Variants in SPATA13 observed in about 807,000 individuals in gnomAD.
SPATA13 encodes spermatogenesis-associated protein 13.
In SPATA13, 50 loss-of-function variants were observed where a neutral mutation model predicts 104.0. That is an observed-to-expected ratio of 0.48 (90% confidence interval 0.38 to 0.61). The LOEUF is 0.61. Ranked by LOEUF, SPATA13 falls within the 20% of genes least tolerant of loss-of-function variation. The pLI is 0.00. For missense variants in SPATA13, 1,524 were observed against 1,690.6 expected (o/e 0.90, Z 1.73); for synonymous variants, 606 against 667.5 (o/e 0.91, Z 1.42).
intron 4 of SPATA13, among the ~76,000 whole-genome samples, chr13:24,282,983 C>T (rs1875658533): frequency 6.6e-6 from 1 of 152,230 alleles, no homozygotes. Context: ...AACCCTGGAA[C>T]AGCAGCCCAG....
intron 3 of SPATA13, among the ~76,000 whole-genome samples, chr13:24,035,394 T>C (rs1877640690): frequency 6.6e-6 from 1 of 152,224 alleles, no homozygotes; most frequent in Non-Finnish European, 1.5e-5. Context: ...GGTTAAGTGA[T>C]CTGCTGTCTC....
In SPATA13 at chr13:24,224,884, A is replaced by G. The variant is rs1871843553; in HGVS notation, c.1653+302A>G. 6.7e-6 allele frequency: 3 copies of G among 446,670 alleles called. No individual in the cohort carries two copies. The East Asian group carries it at 1.4e-4, about 21-fold the overall frequency. The allele number at this position is 446,670 out of a possible 1,614,324, so 27.7% of individuals were successfully genotyped here. A position where few individuals can be genotyped will look rare whatever the true frequency, so the allele number is the denominator to read the frequency against. ...AGGTACTAGATTCTGGGGGAAAAAA[A>G]TAAGTTGTAAACAAACTGTCTTCTG... is the stretch of plus-strand genomic sequence containing the variant. On this transcript the variant is annotated intron_variant, in intron 2 of 12. Transcript: ENST00000382108.
At chr13:24,118,981 C>T (rs561993101) in intron 3 of SPATA13, among the ~76,000 whole-genome samples, 1 of 151,188 alleles carries the variant, frequency 6.6e-6, no homozygotes, top group African/African-American at 2.4e-5. Flanking sequence ...TCTCGGCTTA[C>T]TGCAACCTCC....
chr13:24,228,359 C>T (rs1872073228), intron 2 of SPATA13, among the ~76,000 whole-genome samples: 1 of 151,822 alleles, frequency 6.6e-6, no homozygotes, highest in Non-Finnish European at 1.5e-5. Flanking sequence ...TCGTGATCTG[C>T]CTGCCTCAGC....
rs921754703 is a variant in SPATA13 at position 24,223,943 on chromosome 13, G to C, written c.1014G>C (p.Arg338Ser). The C allele has an allele frequency of 1.3e-6, 2 of 1,550,612 alleles. No homozygotes were observed. The highest frequency in any genetic ancestry group is 3.9e-5 in the Admixed American group (2 of 50,956). Residue 338 changes from arginine to serine, a missense_variant, in exon 2 of 13, where the codon AGG becomes AGC. Around this residue, in one of 2 missense-constraint regions of SPATA13, gnomAD observed 1,089 missense variants for 1,135.9 expected, o/e 0.96. Coordinates refer to ENST00000382108, the MANE Select transcript of SPATA13 (RefSeq NM_001166271.3). ...TEAAWRRESP[R>S]SGAPSPGEAS... ...CTGCCTGGAGGAGGGAGAGTCCTAG[G>C]AGTGGGGCCCCATCCCCTGGAGAGG...
intron 3 of SPATA13, among the ~76,000 whole-genome samples, chr13:24,036,013 CAAAAAAAA>C (rs56837096): frequency 1.1e-3 from 122 of 112,546 alleles, no homozygotes; most frequent in Non-Finnish European, 1.9e-3. Flanking sequence ...GACCCTGTCT[CAAAAAAAA>C]AAAAAAAAAA....
intron 3 of SPATA13, among the ~76,000 whole-genome samples, chr13:24,041,904 C>T (rs912866): frequency 0.48 from 72,974 of 151,976 alleles, 19,321 homozygotes; most frequent in East Asian, 0.64. Flanking sequence ...CAGAGTGAGG[C>T]GTAACGGTCA....
rs569706272 is a variant in SPATA13 at position 24,194,365 on chromosome 13, A to G, written c.-111-28454A>G. 4.6e-5 allele frequency among the ~76,000 whole-genome samples: 7 copies of G among 152,324 alleles called. 1 individual carries two copies. In the East Asian group the frequency reaches 1.3e-3, roughly 29 times the overall value. On this transcript the variant is annotated intron_variant, in intron 1 of 12. Coordinates refer to ENST00000382108, the MANE Select transcript of SPATA13 (RefSeq NM_001166271.3). ...GATTGCTCCTTTGCCTGGGACTTGC[A>G]AGAGTAGGACAGGAAGTGGAGAGGA...
Position 24,224,080 on chromosome 13 carries a change from C to A in SPATA13, c.1151C>A (p.Thr384Asn), listed in dbSNP as rs1365106880. ...GGCGGGGCGGTCATGCATGGGACCA[C>A]TGCAACCTGCACCGTGGCCCCCGGT... is the stretch of plus-strand genomic sequence containing the variant. Reference protein sequence around the residue: ...RRGGAVMHGTTATCTVAPGFG... With the variant: ...RRGGAVMHGTNATCTVAPGFG... Residue 384 changes from threonine to asparagine, a missense_variant, in exon 2 of 13, where the codon ACT (threonine) becomes AAT (asparagine). Physicochemically the swap from Thr to Asn is moderately conservative, Grantham distance 65. Transcript: ENST00000382108. 1 of 1,550,886 alleles carries A rather than the reference C, an allele frequency of 6.4e-7. No homozygotes were observed. The highest frequency in any genetic ancestry group is 8.7e-7 in the Non-Finnish European group (1 of 1,146,810).
intron 1 of SPATA13, among the ~76,000 whole-genome samples, chr13:24,201,418 A>C (rs1870397211): frequency 6.7e-6 from 1 of 148,526 alleles, no homozygotes; most frequent in Non-Finnish European, 1.5e-5. Flanking sequence ...ATTTACTATT[A>C]ACTAAAGTCC....
chr13:24,243,564 C>T (rs937753774), intron 2 of SPATA13, among the ~76,000 whole-genome samples: 3 of 152,178 alleles, frequency 2.0e-5, no homozygotes, highest in Non-Finnish European at 4.4e-5. Context: ...TTAACGTGAG[C>T]AAATCATTTC....
Position 24,224,049 on chromosome 13 carries a change from A to AGGCGG in SPATA13, c.1131_1135dup (p.Val379GlyfsTer27). On this transcript the variant is annotated frameshift_variant, in exon 2 of 13. Coordinates refer to ENST00000382108, the MANE Select transcript of SPATA13 (RefSeq NM_001166271.3). LOFTEE classifies it high-confidence loss of function. ...CTCCAGGAGCACTGAGCAGGACAGC[A>AGGCGG]GGCGGGGCGGGGCGGTCATGCATGG... 2 of 1,549,484 alleles carry AGGCGG rather than the reference A, an allele frequency of 1.3e-6. No individual in the cohort carries two copies. The highest frequency in any genetic ancestry group is 1.7e-6 in the Non-Finnish European group (2 of 1,145,888).
At chr13:24,151,404 G>A (rs1170417131) in intron 3 of SPATA13, among the ~76,000 whole-genome samples, 2 of 152,214 alleles carry the variant, frequency 1.3e-5, no homozygotes, top group African/African-American at 2.4e-5. Flanking sequence ...TAATGATGAA[G>A]TGAAATATGC....
chr13:24,251,962 T>C (rs968460131), intron 4 of SPATA13, 100 bp downstream of exon 4: 17 of 1,444,440 alleles, frequency 1.2e-5, no homozygotes, highest in Non-Finnish European at 1.5e-5. Flanking sequence ...GCGCCTCCCT[T>C]GGGCCAGGGC....
intron 3 of SPATA13, among the ~76,000 whole-genome samples, chr13:24,133,745 G>C (rs1217900195): frequency 6.6e-6 from 1 of 152,168 alleles, no homozygotes; most frequent in Non-Finnish European, 1.5e-5. Context: ...CAGAGCACAG[G>C]GGAGGAGAGG....
intron 3 of SPATA13, among the ~76,000 whole-genome samples, chr13:24,134,107 C>T (rs187497901): frequency 6.6e-6 from 1 of 152,140 alleles, no homozygotes. Flanking sequence ...AGAATGGTAC[C>T]CAGATAGAAC....
chr13:24,090,603 T>G (rs557176168), intron 3 of SPATA13, among the ~76,000 whole-genome samples: 2 of 152,304 alleles, frequency 1.3e-5, no homozygotes, highest in South Asian at 4.1e-4. Flanking sequence ...CCCATCCCAC[T>G]GTCCCTACCC....
Position 24,100,142 on chromosome 13 carries a change from T to TA in SPATA13, c.-112+82453dup, listed in dbSNP as rs5802263. On this transcript the variant is annotated intron_variant, in intron 3 of 14. Transcript: ENST00000424834. ...TTTATTTTATAATTTTTAAATAGTT[T>TA]AAAAAAAAAAAAGAATCAAACCAAG... Among the ~76,000 whole-genome samples, 853 of 150,110 alleles carry TA rather than the reference T, an allele frequency of 5.7e-3. 5 individuals are homozygous for TA. The highest frequency in any genetic ancestry group is 0.01 in the Non-Finnish European group (693 of 67,276).
chr13:24,230,238 T>C (rs1050031753), intron 2 of SPATA13, among the ~76,000 whole-genome samples: 2 of 152,214 alleles, frequency 1.3e-5, no homozygotes, highest in African/African-American at 4.8e-5. Flanking sequence ...ACACCTGCTA[T>C]GTGAACAGAA....
Sources: allele counts gnomAD v4.1 joint callset (sites outside exome capture counted in the v4.1 genomes callset), GRCh38; gene constraint gnomAD v4.1.1; regional missense constraint gnomAD v4.1.1; transcripts MANE v1.5; gene names NCBI Gene and HGNC (gene_info 2026-07-23, HGNC 2026-07-21).